MYOCOS: variants seen among roughly 807,000 people sequenced by gnomAD.
The protein encoded by MYOCOS is myocilin opposite strand, also known as myocilin opposite strand protein.
intron 1 of MYOCOS, among the ~76,000 whole-genome samples, chr1:171,623,234 A>T (rs965724224): frequency 6.6e-6 from 1 of 152,100 alleles, no homozygotes; most frequent in Non-Finnish European, 1.5e-5. Flanking sequence ...AAGTAAAAGG[A>T]CATCCCAAGG....
At chr1:171,602,799 A>G (rs1338976600) in intron 1 of MYOCOS, among the ~76,000 whole-genome samples, 1 of 152,216 alleles carries the variant, frequency 6.6e-6, no homozygotes, top group African/African-American at 2.4e-5. Context: ...AAAACTAATA[A>G]AAAATAGATG....
At chr1:171,608,712 C>A (rs190210968) in intron 1 of MYOCOS, among the ~76,000 whole-genome samples, 2 of 152,136 alleles carry the variant, frequency 1.3e-5, no homozygotes, top group African/African-American at 2.4e-5. Flanking sequence ...TGAGCCACCA[C>A]GCCCGGCTAG....
chr1:171,615,358 A>G (rs1321477711), intron 2 of MYOCOS, among the ~76,000 whole-genome samples: 4 of 152,190 alleles, frequency 2.6e-5, no homozygotes, highest in African/African-American at 9.7e-5. Context: ...TGATGGATTG[A>G]ATGTTAGTTT....
chr1:171,611,764 C>A (rs1489018953), intron 1 of MYOCOS, among the ~76,000 whole-genome samples: 1 of 152,160 alleles, frequency 6.6e-6, no homozygotes, highest in Non-Finnish European at 1.5e-5. Context: ...CCAAAGAGGC[C>A]TACCAGGCAT....
intron 1 of MYOCOS, among the ~76,000 whole-genome samples, chr1:171,604,596 A>C (rs1286531871): frequency 6.6e-6 from 1 of 152,198 alleles, no homozygotes; most frequent in African/African-American, 2.4e-5. Flanking sequence ...CAAGTAAAGT[A>C]ATAGCTAGAA....
chr1:171,609,202 T>C (rs10081989), intron 1 of MYOCOS, among the ~76,000 whole-genome samples: 3,046 of 152,340 alleles, frequency 0.02, 100 homozygotes, highest in African/African-American at 0.07. Context: ...TTTCTATGAC[T>C]GGAAGCTACA....
At chr1:171,615,772 A>G (rs1652437274) in intron 2 of MYOCOS, among the ~76,000 whole-genome samples, 1 of 152,198 alleles carries the variant, frequency 6.6e-6, no homozygotes, top group Admixed American at 6.5e-5. Context: ...GAGCCCTTAA[A>G]AGGGACAGAA....
At chr1:171,603,722 T>G (rs1263382358) in intron 1 of MYOCOS, among the ~76,000 whole-genome samples, 1 of 152,198 alleles carries the variant, frequency 6.6e-6, no homozygotes, top group African/African-American at 2.4e-5. Flanking sequence ...AAATGGCAGT[T>G]GGAGTTTTAA....
upstream of MYOCOS, among the ~76,000 whole-genome samples, chr1:171,618,733 G>A (rs1652496009): frequency 1.3e-5 from 2 of 152,058 alleles, no homozygotes; most frequent in African/African-American, 4.8e-5. Context: ...GGGCCACCAC[G>A]CCCAGATAAT....
chr1:171,616,340 GACCAGCCTGGCCAAC>G (rs1652450010), intron 2 of MYOCOS, among the ~76,000 whole-genome samples: 1 of 152,182 alleles, frequency 6.6e-6, no homozygotes, highest in Non-Finnish European at 1.5e-5. Flanking sequence ...AGGAGTTTGA[GACCAGCCTGGCCAAC>G]ATGGCAAAAC....
At position 171,626,818 on chromosome 1, in the gene MYOCOS, T is replaced by C. The variant is rs1201419366; in HGVS notation, c.*217T>C. ...TCTCTGATATGATATGCATATATTT[T>C]GATCTTTATGTTATGCTATAGAACT... On this transcript the variant is annotated 3_prime_UTR_variant, in exon 3 of 3. Transcript: ENST00000637642. 2 of 371,214 alleles carry C rather than the reference T, an allele frequency of 5.4e-6. No individual in the cohort carries two copies. Among genetic ancestry groups the C allele is most frequent in the Non-Finnish European group, 9.5e-6 (2 of 209,746 alleles). 23.0% of individuals were successfully genotyped at this position (371,214 alleles called of 1,614,324 possible).
intron 1 of MYOCOS, among the ~76,000 whole-genome samples, chr1:171,605,373 C>CCCCACACACA (rs377621871): frequency 5.0e-5 from 7 of 139,226 alleles, no homozygotes; most frequent in South Asian, 2.6e-4. Flanking sequence ...ATTAATAGTA[C>CCCCACACACA]CACACACACA....
chr1:171,607,093 C>CAAAAA (rs35353881), intron 1 of MYOCOS, among the ~76,000 whole-genome samples: 5 of 66,782 alleles, frequency 7.5e-5, no homozygotes, highest in Non-Finnish European at 1.2e-4. Flanking sequence ...GACTCTGTCT[C>CAAAAA]AAAAAAAAAA....
chr1:171,616,931 G>T (rs1453354020), intron 2 of MYOCOS, among the ~76,000 whole-genome samples: 1 of 152,166 alleles, frequency 6.6e-6, no homozygotes, highest in East Asian at 1.9e-4. Context: ...GTCTGTAAAA[G>T]GTATAATTGC....
At chr1:171,624,435 AATT>A (rs72026900) in intron 2 of MYOCOS, among the ~76,000 whole-genome samples, 40,924 of 146,958 alleles carry the variant, frequency 0.28, 5,860 homozygotes, top group South Asian at 0.36. Context: ...ACGTCTGGTT[AATT>A]ATTATTATTA....
upstream of MYOCOS, among the ~76,000 whole-genome samples, chr1:171,620,917 G>A (rs539487103): frequency 7.8e-4 from 118 of 151,628 alleles, no homozygotes; most frequent in African/African-American, 2.8e-3. Context: ...TTACAGGCGA[G>A]TGCCACCACG....
chr1:171,607,661 T>C (rs1482494595), intron 1 of MYOCOS, among the ~76,000 whole-genome samples: 1 of 152,272 alleles, frequency 6.6e-6, no homozygotes, highest in African/African-American at 2.4e-5. Flanking sequence ...GATTTTTCCC[T>C]GCCATTCCAA....
At chr1:171,610,193 G>C (rs1370455882) in intron 1 of MYOCOS, among the ~76,000 whole-genome samples, 2 of 152,224 alleles carry the variant, frequency 1.3e-5, no homozygotes. Flanking sequence ...AAGGAGCAGA[G>C]ATTACACAAA....
At chr1:171,603,021 C>T (rs1230431722) in intron 1 of MYOCOS, among the ~76,000 whole-genome samples, 1 of 152,170 alleles carries the variant, frequency 6.6e-6, no homozygotes, top group Non-Finnish European at 1.5e-5. Context: ...TCCTCCAGTC[C>T]ACCAGGCGTG....
Sources: allele counts gnomAD v4.1 joint callset (sites outside exome capture counted in the v4.1 genomes callset), GRCh38; gene constraint gnomAD v4.1.1; transcripts MANE v1.5; gene names NCBI Gene and HGNC (gene_info 2026-07-23, HGNC 2026-07-21).